The following KCNQ5 variants were observed in gnomAD, a reference collection of about 807,000 sequenced individuals.
KCNQ5 encodes potassium voltage-gated channel subfamily KQT member 5.
A neutral mutation model predicts 98.2 loss-of-function variants in KCNQ5; 30 were observed. The ratio of observed to expected loss-of-function variants is 0.31; its 90% confidence interval spans 0.23 to 0.41. The LOEUF is 0.41. KCNQ5 is among the 10% of genes least tolerant of loss of function. The pLI is 1.00. For missense variants in KCNQ5, 835 were observed against 1,182.5 expected (o/e 0.71, Z 4.31); for synonymous variants, 458 against 449.4 (o/e 1.02, Z -0.24).
intron 1 of KCNQ5, among the ~76,000 whole-genome samples, chr6:72,970,314 T>A (rs1489366419): frequency 6.6e-6 from 1 of 152,084 alleles, no homozygotes; most frequent in Admixed American, 6.6e-5. Flanking sequence ...CAAACATGCT[T>A]ATTACTCACT....
chr6:73,150,953 A>C (rs1172082544), intron 10 of KCNQ5, among the ~76,000 whole-genome samples: 5 of 151,908 alleles, frequency 3.3e-5, no homozygotes, highest in African/African-American at 1.2e-4. Flanking sequence ...TGTGGCTCTA[A>C]AAGGACAACA....
intron 2 of KCNQ5, among the ~76,000 whole-genome samples, chr6:73,037,501 T>C (rs1771491610): frequency 1.3e-5 from 2 of 152,212 alleles, no homozygotes; most frequent in Non-Finnish European, 2.9e-5. Flanking sequence ...TTATGTTTAA[T>C]TTTTAAACCC....
chr6:73,079,196 G>C (rs1440247986), intron 5 of KCNQ5, among the ~76,000 whole-genome samples: 1 of 152,062 alleles, frequency 6.6e-6, no homozygotes, highest in Non-Finnish European at 1.5e-5. Flanking sequence ...CAGCTACCTG[G>C]GAGGCTGAGG....
At chr6:72,941,337 CTTCCTTTCTTCCTTCCTTCT>C (rs1281585755) in intron 1 of KCNQ5, among the ~76,000 whole-genome samples, 3 of 42,600 alleles carry the variant, frequency 7.0e-5, no homozygotes, top group African/African-American at 1.1e-4. Flanking sequence ...TCCTTCCTTC[CTTCCTTTCTTCCTTCCTTCT>C]TTTCTTCCTT....
intron 10 of KCNQ5, among the ~76,000 whole-genome samples, chr6:73,138,096 GT>G (rs1776545294): frequency 6.6e-6 from 1 of 152,284 alleles, no homozygotes; most frequent in South Asian, 2.1e-4. Context: ...ACCGTTCTCT[GT>G]TTTGATCAAG....
intron 1 of KCNQ5, among the ~76,000 whole-genome samples, chr6:72,902,099 A>T (rs766692668): frequency 3.3e-5 from 5 of 151,960 alleles, no homozygotes; most frequent in Non-Finnish European, 7.4e-5. Flanking sequence ...ATGTTTTTGC[A>T]GCTATTGTAA....
chr6:72,958,728 A>G (rs1042245451), intron 1 of KCNQ5, among the ~76,000 whole-genome samples: 3 of 152,242 alleles, frequency 2.0e-5, no homozygotes, highest in Non-Finnish European at 2.9e-5. Context: ...TAACAATCCC[A>G]GTGGCATAAA....
intron 10 of KCNQ5, chr6:73,134,109 A>G: frequency 2.5e-6 from 1 of 392,310 alleles, no homozygotes; most frequent in South Asian, 1.9e-5. Context: ...TCCATCTACC[A>G]GCAAATCAGA....
chr6:72,634,086 G>T (rs1046375149), intron 1 of KCNQ5, among the ~76,000 whole-genome samples: 1 of 152,178 alleles, frequency 6.6e-6, no homozygotes, highest in Admixed American at 6.5e-5. Flanking sequence ...GATTGTGGAT[G>T]GTACGTGTGG....
chr6:72,737,290 A>C (rs1408512293), intron 1 of KCNQ5, among the ~76,000 whole-genome samples: 2 of 152,226 alleles, frequency 1.3e-5, no homozygotes, highest in Non-Finnish European at 2.9e-5. Context: ...CAGTTTGATC[A>C]TAACTTTCAT....
At chr6:72,669,315 G>T (rs1224075519) in intron 1 of KCNQ5, among the ~76,000 whole-genome samples, 1 of 152,232 alleles carries the variant, frequency 6.6e-6, no homozygotes, top group African/African-American at 2.4e-5. Context: ...CGGAAGGAAT[G>T]AAGGGGTGAT....
chr6:73,107,842 A>T (rs1401741879), intron 6 of KCNQ5, among the ~76,000 whole-genome samples: 2 of 152,236 alleles, frequency 1.3e-5, no homozygotes, highest in Non-Finnish European at 2.9e-5. Context: ...TCTACTAAGG[A>T]TCTTTTACTG....
At chr6:72,695,296 G>A (rs987173806) in intron 1 of KCNQ5, among the ~76,000 whole-genome samples, 1 of 152,072 alleles carries the variant, frequency 6.6e-6, no homozygotes, top group Non-Finnish European at 1.5e-5. Flanking sequence ...GTTTCAAAAG[G>A]ACCTTAGTTT....
At position 72,964,819 on chromosome 6, in the gene KCNQ5, C is replaced by T. The variant is rs1036015813; in HGVS notation, c.399-39089C>T. Among the ~76,000 whole-genome samples the T allele has an allele frequency of 7.2e-5, 11 of 152,168 alleles. No individual in the cohort carries two copies. The South Asian group carries it at 1.0e-3, about 14-fold the overall frequency. On this transcript the variant is annotated intron_variant, in intron 1 of 13. Coordinates refer to ENST00000370398, the MANE Select transcript of KCNQ5 (RefSeq NM_019842.4). Reference sequence around the variant, plus strand: ...AAAAAAATTTTAGTCTCCCAACATTCGGGTTCTCAACTGAGTTTGAACAAA... The same window carrying T: ...AAAAAAATTTTAGTCTCCCAACATTTGGGTTCTCAACTGAGTTTGAACAAA...
chr6:72,977,353 T>C (rs185666972), intron 1 of KCNQ5, among the ~76,000 whole-genome samples: 1 of 152,278 alleles, frequency 6.6e-6, no homozygotes, highest in Admixed American at 6.5e-5. Context: ...TATCATGTTA[T>C]TATGTTACAG....
intron 1 of KCNQ5, among the ~76,000 whole-genome samples, chr6:72,816,222 G>A (rs1028979950): frequency 2.7e-4 from 41 of 152,158 alleles, no homozygotes; most frequent in African/African-American, 9.7e-4. Context: ...ATGACTAAGA[G>A]AAAACTGGTG....
chr6:72,926,203 T>C (rs930248177), intron 1 of KCNQ5, among the ~76,000 whole-genome samples: 1 of 152,100 alleles, frequency 6.6e-6, no homozygotes, highest in Non-Finnish European at 1.5e-5. Flanking sequence ...GAGATGGTGA[T>C]AAACTGCTCT....
At chr6:73,142,134 T>C (rs1776742179) in intron 10 of KCNQ5, among the ~76,000 whole-genome samples, 1 of 151,880 alleles carries the variant, frequency 6.6e-6, no homozygotes, top group Non-Finnish European at 1.5e-5. Context: ...GCTGAGAGAG[T>C]ACGCAGAGAG....
At chr6:72,650,215 C>T (rs369133677) in intron 1 of KCNQ5, among the ~76,000 whole-genome samples, 2 of 151,934 alleles carry the variant, frequency 1.3e-5, no homozygotes, top group Non-Finnish European at 2.9e-5. Context: ...AATAATTTCC[C>T]CTATTTTCTT....
Sources: allele counts gnomAD v4.1 joint callset (sites outside exome capture counted in the v4.1 genomes callset), GRCh38; gene constraint gnomAD v4.1.1; transcripts MANE v1.5; gene names NCBI Gene and HGNC (gene_info 2026-07-23, HGNC 2026-07-21).